Variants in FTSJ3 observed in about 807,000 individuals in gnomAD.
FTSJ3 encodes FtsJ RNA 2'-O-methyltransferase 3.
In FTSJ3, 46 loss-of-function variants were observed where a neutral mutation model predicts 111.5. The observed-to-expected ratio is 0.41, with a 90% confidence interval of 0.33 to 0.53. The LOEUF is 0.53. FTSJ3 is among the 20% of genes least tolerant of loss of function. The pLI is 0.19. For missense variants in FTSJ3, 1,075 were observed against 1,063.8 expected, an observed-to-expected ratio of 1.01 and a Z score of -0.15; for synonymous variants, 408 against 383.0, an observed-to-expected ratio of 1.07 and a Z score of -0.76.
rs147088646 is a variant in FTSJ3, at chr17:63,827,034, C to A, written c.-27+18G>T. The A allele has an allele frequency of 7.0e-4, 570 of 814,792 alleles. No homozygotes were observed. Among genetic ancestry groups the A allele is most frequent in the Non-Finnish European group, 1.0e-3 (504 of 481,618 alleles). 50.5% of individuals were successfully genotyped at this position (814,792 alleles called of 1,614,324 possible). A position where few individuals can be genotyped will look rare whatever the true frequency, so the allele number is the denominator to read the frequency against. ...CTTCCCGCAGCAATTCCACCCCGCG[C>A]CCCTCTCCGCACACTACCTAGACCC... On this transcript the variant is annotated intron_variant, in intron 1 of 20. Coordinates refer to ENST00000427159, the MANE Select transcript of FTSJ3 (RefSeq NM_017647.4).
At chr17:63,820,772 A>G in intron 18 of FTSJ3, 67 bp downstream of exon 18, 2 of 1,217,722 alleles carry the variant, frequency 1.6e-6, no homozygotes, top group Non-Finnish European at 2.4e-6. Flanking sequence ...TCCATCTCAA[A>G]AACAAAAAAT....
chr17:63,821,451 CCT>C lies in FTSJ3; in HGVS notation c.1787_1788del (p.Glu596GlyfsTer12). ...LYQDEAPKGT[E>X]ASSGTEAATG... ...GTGGCAGCTTCTGTCCCCGAAGAAG[CCT>C]CTGTTCCCTTAGGGGCTTCATCTTG... is the stretch of plus-strand genomic sequence containing the variant. On this transcript the variant is annotated frameshift_variant, in exon 16 of 21. Transcript: ENST00000427159. LOFTEE classifies it high-confidence loss of function. 1.9e-6 allele frequency: 3 copies of C among 1,614,218 alleles called. No homozygotes were observed. Among genetic ancestry groups the C allele is most frequent in the Non-Finnish European group, 2.5e-6 (3 of 1,180,042 alleles).
intron 10 of FTSJ3, 86 bp downstream of exon 10, chr17:63,824,551 A>G (rs1021446717): frequency 6.3e-6 from 9 of 1,426,392 alleles, no homozygotes; most frequent in Non-Finnish European, 8.9e-6. Context: ...CCTTTAGCAC[A>G]GCAATATCCT....
Position 63,820,343 on chromosome 17 carries a change from T to C in FTSJ3, c.2168A>G (p.Glu723Gly), listed in dbSNP as rs1298532717. ...RIRQLPVGKKEVEHYRKRWRE... is the reference protein window; with the variant it reads ...RIRQLPVGKKGVEHYRKRWRE... Reference sequence around the variant, plus strand: ...CCAGCGTTTCCGGTAATGCTCCACCTCCTTCTTACCAACAGGCAACTGTCG... The same window carrying C: ...CCAGCGTTTCCGGTAATGCTCCACCCCCTTCTTACCAACAGGCAACTGTCG... The change falls in exon 19 of 21, where the codon GAG becomes GGG. Residue 723 changes from glutamate (E) to glycine (G), a missense_variant. Glu to Gly is a moderately conservative substitution (Grantham distance 98). Transcript: ENST00000427159. The C allele has an allele frequency of 6.2e-7, 1 of 1,614,074 alleles. No homozygotes were observed. Among genetic ancestry groups the C allele is most frequent in the Admixed American group, 1.7e-5 (1 of 59,992 alleles).
At position 63,827,101 on chromosome 17, in the gene FTSJ3, C is replaced by T. The variant is rs1355058551; in HGVS notation, c.-76G>A. On this transcript the variant is annotated 5_prime_UTR_variant, in exon 1 of 21. Coordinates refer to ENST00000427159, the MANE Select transcript of FTSJ3 (RefSeq NM_017647.4). Reference sequence around the variant, plus strand: ...CACTTGGAACCGCACAAGTATGCAGCTAACTACTTCCGCTTCCGCTTGCGT... The same window carrying T: ...CACTTGGAACCGCACAAGTATGCAGTTAACTACTTCCGCTTCCGCTTGCGT... The T allele has an allele frequency of 5.6e-6, 3 of 539,972 alleles. No homozygotes were observed. Among genetic ancestry groups the T allele is most frequent in the South Asian group, 4.1e-5 (2 of 48,584 alleles). 33.4% of individuals were successfully genotyped at this position (539,972 alleles called of 1,614,324 possible).
At position 63,824,163 on chromosome 17, in the gene FTSJ3, C is replaced by A; in HGVS notation, c.1075G>T (p.Glu359Ter). The change falls in exon 12 of 21, where the codon GAG becomes TAG. Residue 359 changes from glutamate to a stop codon, truncating the protein, a stop_gained. Transcript: ENST00000427159. LOFTEE classifies it high-confidence loss of function. ...AGTTKQPSKE[E>*]EEEEEEEQLN... ...TGTTCCTCCTCCTCCTCTTCCTCCT[C>A]CTCCTTAGAGGGCTGCTTTGTGGTT... 6.2e-7 allele frequency: 1 copy of A among 1,614,158 alleles called. No individual in the cohort carries two copies. The highest frequency in any genetic ancestry group is 8.5e-7 in the Non-Finnish European group (1 of 1,180,030).
At chr17:63,826,496 A>T in intron 3 of FTSJ3, 71 bp downstream of exon 3, 1 of 1,364,762 alleles carries the variant, frequency 7.3e-7, no homozygotes, top group Non-Finnish European at 1.0e-6. Context: ...CCCGCAGTGA[A>T]ACTGGAAGCC....
Position 63,824,349 on chromosome 17 carries a change from G to C in FTSJ3, c.980C>G (p.Ala327Gly), listed in dbSNP as rs776737733. Residue 327 changes from alanine (A) to glycine (G), a missense_variant, in exon 11 of 21, where the codon GCA becomes GGA. Coordinates refer to ENST00000427159, the MANE Select transcript of FTSJ3 (RefSeq NM_017647.4). ...RYVAKKLKEQ[A>G]KALDISLSSG... ...TCCTCACCTGATGTCCAGTGCCTTTGCTTGTTCTTTCAGCTTCTTGGCCAC... is the reference window on the plus strand; with the variant it reads ...TCCTCACCTGATGTCCAGTGCCTTTCCTTGTTCTTTCAGCTTCTTGGCCAC... 2.0e-5 allele frequency: 32 copies of C among 1,614,210 alleles called. 1 individual carries two copies. The highest frequency in any genetic ancestry group is 2.7e-5 in the Non-Finnish European group (32 of 1,180,040).
chr17:63,819,609 CCTT>C lies in FTSJ3; in HGVS notation c.*190_*192del, dbSNP rs1192547000. 2 of 584,182 alleles carry C rather than the reference CCTT, an allele frequency of 3.4e-6. No individual in the cohort carries two copies. Among genetic ancestry groups the C allele is most frequent in the Non-Finnish European group, 6.1e-6 (2 of 330,266 alleles). The allele number at this position is 584,182 out of a possible 1,614,324, so 36.2% of individuals were successfully genotyped here. On this transcript the variant is annotated 3_prime_UTR_variant, in exon 21 of 21. Transcript: ENST00000427159. ...AGTTCAGCAGTGTTTTCATGGGAGA[CCTT>C]CAGGCAGGCAGGAGGACATCCTCCT...
chr17:63,820,486 A>G (rs1721630860), intron 18 of FTSJ3, 48 bp from the exon 19 acceptor site: 9 of 1,590,772 alleles, frequency 5.7e-6, no homozygotes, highest in East Asian at 2.2e-5. Context: ...CAGGCTTTCT[A>G]AAGAAATTAC....
chr17:63,823,782 T>A, intron 13 of FTSJ3, 35 bp downstream of exon 13: 1 of 1,603,788 alleles, frequency 6.2e-7, no homozygotes. Context: ...CAGATCCTTC[T>A]GTCTCCTAAA....
In FTSJ3 at chr17:63,822,124, T is replaced by G; in HGVS notation, c.1335A>C (p.Thr445=). Residue 445 remains threonine (T), a synonymous_variant, in exon 14 of 21, where the codon ACA becomes ACC. Transcript: ENST00000427159. ...CATCCCTTGGCAGATCGGACAGAAA[T>G]GTGTCTGCTGCACTCATATCCCCTT... ...VTQGDMSAAD[T]FLSDLPRDDI... 9.3e-6 allele frequency: 15 copies of G among 1,614,232 alleles called. No homozygotes were observed. Among genetic ancestry groups the G allele is most frequent in the Non-Finnish European group, 1.2e-5 (14 of 1,180,042 alleles).
At position 63,825,149 on chromosome 17, in the gene FTSJ3, CAG is replaced by C; in HGVS notation, c.608_609del (p.Pro203ArgfsTer4). The C allele has an allele frequency of 6.2e-7, 1 of 1,614,166 alleles. No homozygotes were observed. Among genetic ancestry groups the C allele is most frequent in the Non-Finnish European group, 8.5e-7 (1 of 1,180,026 alleles). The stretch of plus-strand genomic sequence containing the variant: ...TCAAAGAATTTACTGTCAACCTTGT[CAG>C]GGGCCAGGAATCCTAAAAATGACAG... ...IFVVCQGFLA[P>X]DKVDSKFFDP... On this transcript the variant is annotated frameshift_variant, in exon 8 of 21. Transcript: ENST00000427159. LOFTEE classifies it high-confidence loss of function.
At chr17:63,821,183 T>C (rs562991548) in intron 16 of FTSJ3, 68 bp from the exon 17 acceptor site, 818 of 1,579,898 alleles carry the variant, frequency 5.2e-4, no homozygotes, top group Non-Finnish European at 5.9e-4. Flanking sequence ...TCCCACGGAA[T>C]TTGCAAAAAT....
Position 63,821,074 on chromosome 17 carries a change from T to C in FTSJ3, c.1928A>G (p.Lys643Arg). The part of the protein sequence containing the change: ...LRGKKRSRGP[K>R]SDDDGFEIVP... ...TATCTCAAACCCGTCATCATCTGAC[T>C]TAGGCCCACGGCTTCGCTTCTTACC... is the stretch of plus-strand genomic sequence containing the variant. The change falls in exon 17 of 21, where the codon AAG (lysine) becomes AGG (arginine). Residue 643 changes from lysine (K) to arginine (R), a missense_variant. Lys to Arg is a conservative substitution (Grantham distance 26). This residue lies in a region of FTSJ3 where 867 missense variants were observed against 796.9 expected (regional missense o/e 1.09). Transcript: ENST00000427159. The C allele has an allele frequency of 6.2e-7, 1 of 1,614,170 alleles. No homozygotes were observed. The highest frequency in any genetic ancestry group is 8.5e-7 in the Non-Finnish European group (1 of 1,180,026).
rs1598350705 is a variant in FTSJ3 at position 63,824,938 on chromosome 17, G to A, written c.712-9C>T. ...TCAGCATAGCCTTCAGCCTTAGGAAGGAAAAGAGAGAAGCTTGGTCAGGCC... is the reference window on the plus strand; with the variant it reads ...TCAGCATAGCCTTCAGCCTTAGGAAAGAAAAGAGAGAAGCTTGGTCAGGCC... On this transcript the variant is annotated splice_polypyrimidine_tract_variant and intron_variant, in intron 8 of 20. Transcript: ENST00000427159. 1.3e-6 allele frequency: 2 copies of A among 1,576,428 alleles called. No homozygotes were observed. The highest frequency in any genetic ancestry group is 3.4e-4 in the Middle Eastern group (2 of 5,846).
chr17:63,826,807 G>T, intron 2 of FTSJ3, 29 bp downstream of exon 2: 1 of 1,609,100 alleles, frequency 6.2e-7, no homozygotes, highest in Non-Finnish European at 8.5e-7. Context: ...TCGCTCGCTC[G>T]CTCGCAGACT....
At position 63,822,047 on chromosome 17, in the gene FTSJ3, C is replaced by T. The variant is rs1388470330; in HGVS notation, c.1412G>A (p.Ser471Asn). The change falls in exon 14 of 21, where the codon AGT (serine) becomes AAT (asparagine). Residue 471 changes from serine to asparagine, a missense_variant. Physicochemically the swap from Ser to Asn is conservative, Grantham distance 46. This residue lies in a region of FTSJ3 where 867 missense variants were observed against 796.9 expected (regional missense o/e 1.09). Transcript: ENST00000427159. ...EDDGDDTSLD[S>N]DLDPEELAGV... ...TGCCAGCTCCTCTGGATCCAGGTCA[C>T]TATCCAGAGATGTGTCATCACCGTC... 3 of 1,614,214 alleles carry T rather than the reference C, an allele frequency of 1.9e-6. No homozygotes were observed. The highest frequency in any genetic ancestry group is 1.7e-6 in the Non-Finnish European group (2 of 1,180,030).
At position 63,819,788 on chromosome 17, in the gene FTSJ3, C is replaced by T. The variant is rs1254992103; in HGVS notation, c.*14G>A. 5.0e-6 allele frequency: 8 copies of T among 1,603,502 alleles called. No individual in the cohort carries two copies. In the African/African-American group the frequency reaches 1.1e-4, roughly 22 times the overall value. ...CCTAGTCCCCATGCTCTCCTGGGAG[C>T]CTGGCAGCTCTGCTTACTTCCGTTT... On this transcript the variant is annotated 3_prime_UTR_variant, in exon 21 of 21. Transcript: ENST00000427159.
Sources: gnomAD v4.1 joint callset for allele counts on GRCh38, gnomAD v4.1.1 for gene constraint, gnomAD v4.1.1 regional missense constraint, MANE v1.5 for transcripts, NCBI Gene and HGNC (gene_info 2026-07-23, HGNC 2026-07-21) for gene names.